KANK1: variants seen among roughly 807,000 people sequenced by gnomAD.
KANK1 encodes KN motif and ankyrin repeat domains 1, also known as KN motif and ankyrin repeat domain-containing protein 1.
Under a neutral mutation model 106.2 loss-of-function variants are expected in KANK1, and 109 were observed. The observed-to-expected ratio is 1.03, with a 90% confidence interval of 0.88 to 1.20. The LOEUF (loss-of-function observed/expected upper bound fraction) is 1.20. Among genes scored for constraint, KANK1 ranks in the 50% most tolerant of loss-of-function variants. KANK1 has a pLI of 0.00. For synonymous variants in KANK1, 873 were observed against 652.2 expected (o/e 1.34, Z -5.16); for missense variants, 2,399 against 1,710.7 (o/e 1.40, Z -7.10).
rs558977149 is a variant in KANK1, at chr9:606,388, C to T, written c.-83-70502C>T. On this transcript the variant is annotated intron_variant, in intron 1 of 11. Transcript: ENST00000382297. Reference sequence around the variant, plus strand: ...CCTGACTAACATGGTGAAACCCCGTCTCTACTAAAAATACAAAATTAGCCG... The same window carrying T: ...CCTGACTAACATGGTGAAACCCCGTTTCTACTAAAAATACAAAATTAGCCG... Among the ~76,000 whole-genome samples, 20 of 141,464 alleles carry T rather than the reference C, an allele frequency of 1.4e-4. 1 individual carries two copies. The highest frequency in any genetic ancestry group is 2.4e-4 in the Non-Finnish European group (16 of 67,834). 92.8% of individuals were successfully genotyped at this position (141,464 alleles called of 152,430 possible).
chr9:583,862 T>G (rs1211124965), intron 1 of KANK1, among the ~76,000 whole-genome samples: 10 of 152,020 alleles, frequency 6.6e-5, no homozygotes, highest in Non-Finnish European at 1.0e-4. Flanking sequence ...GTGCGAAGTG[T>G]TCAACCCCAA....
upstream of KANK1, among the ~76,000 whole-genome samples, chr9:501,412 T>C (rs557148470): frequency 3.2e-4 from 48 of 148,602 alleles, 1 homozygote; most frequent in South Asian, 6.9e-3. Context: ...TCACAAACTT[T>C]ATAAAAAAAA....
At chr9:693,764 A>G (rs1286965536) in intron 2 of KANK1, 2 of 985,174 alleles carry the variant, frequency 2.0e-6, no homozygotes, top group Non-Finnish European at 2.4e-6. Flanking sequence ...GCTGAAAATC[A>G]CAGTTATTTT....
chr9:745,053 T>C, intron 11 of KANK1, 120 bp from the exon 12 acceptor site: 1 of 1,529,878 alleles, frequency 6.5e-7, no homozygotes, highest in Non-Finnish European at 8.8e-7. Context: ...GCCAGAGCTC[T>C]CCTGGCTCGG....
chr9:632,447 A>G (rs1312243291), intron 1 of KANK1, among the ~76,000 whole-genome samples: 1 of 152,172 alleles, frequency 6.6e-6, no homozygotes, highest in African/African-American at 2.4e-5. Context: ...TTAAGAAGAT[A>G]ATTATTGAGA....
chr9:742,193 C>G lies in KANK1; in HGVS notation c.3697-12C>G, dbSNP rs927599071. On this transcript the variant is annotated splice_polypyrimidine_tract_variant and intron_variant, in intron 9 of 11. Transcript: ENST00000382297. ...TACGTACTTCTGAAGTCCTTGTCAT[C>G]TCTTCCCATAGGCGGGACAGACGGC... The G allele has an allele frequency of 1.9e-6, 3 of 1,613,244 alleles. No individual in the cohort carries two copies. Among genetic ancestry groups the G allele is most frequent in the African/African-American group, 2.7e-5 (2 of 74,920 alleles).
chr9:514,162 T>C (rs142056432), intron 1 of KANK1, among the ~76,000 whole-genome samples: 392 of 28,186 alleles, frequency 0.014, 1 homozygote, highest in African/African-American at 0.036. Flanking sequence ...CTCCCTCCCT[T>C]CCTCTCTCCC....
intron 10 of KANK1, 52 bp from the exon 11 acceptor site, chr9:744,439 T>C: frequency 6.3e-7 from 1 of 1,579,636 alleles, no homozygotes; most frequent in South Asian, 1.1e-5. Flanking sequence ...CTTTCGGTTG[T>C]CTGGAGGTTT....
At chr9:603,413 A>C (rs1180131987) in intron 1 of KANK1, among the ~76,000 whole-genome samples, 1 of 151,838 alleles carries the variant, frequency 6.6e-6, no homozygotes, top group Non-Finnish European at 1.5e-5. Context: ...ACTCAGCCAG[A>C]AGAATTCACT....
chr9:741,275 C>G (rs12000576), intron 9 of KANK1, among the ~76,000 whole-genome samples: 13,654 of 152,010 alleles, frequency 0.09, 1,024 homozygotes, highest in African/African-American at 0.2. Flanking sequence ...CTGTGTTGTA[C>G]TGTCTTCATA....
intron 1 of KANK1, among the ~76,000 whole-genome samples, chr9:506,965 A>G (rs1312044528): frequency 1.3e-5 from 2 of 152,124 alleles, no homozygotes; most frequent in African/African-American, 4.8e-5. Context: ...TTTTTGTTGG[A>G]TAATGTGTGC....
intron 1 of KANK1, among the ~76,000 whole-genome samples, chr9:647,943 C>T (rs1840050129): frequency 1.3e-5 from 2 of 150,038 alleles, no homozygotes; most frequent in Non-Finnish European, 2.9e-5. Flanking sequence ...CTCTCATGTG[C>T]ACCTCACACA....
intron 1 of KANK1, among the ~76,000 whole-genome samples, chr9:605,717 G>A (rs894336296): frequency 7.9e-5 from 12 of 151,790 alleles, no homozygotes; most frequent in Admixed American, 7.2e-4. Context: ...ATCAGGCTGG[G>A]GATGTTGAGG....
In KANK1 at chr9:729,495, G is replaced by A. The variant is rs567119707; in HGVS notation, c.2699-556G>A. ...CATGCTGCCAGGAAACAAGAGACCC[G>A]CATCTCTATACAGCGAGTCCTGGCA... On this transcript the variant is annotated intron_variant, in intron 3 of 11. Coordinates refer to ENST00000382297, the MANE Select transcript of KANK1 (RefSeq NM_015158.5). 5.3e-5 allele frequency among the ~76,000 whole-genome samples: 8 copies of A among 152,306 alleles called. No individual in the cohort carries two copies. The South Asian group carries it at 1.5e-3, about 28-fold the overall frequency.
chr9:520,524 A>G (rs562680622), intron 1 of KANK1, among the ~76,000 whole-genome samples: 2 of 151,682 alleles, frequency 1.3e-5, no homozygotes. Flanking sequence ...TCACGTGACA[A>G]TGGGGGATAT....
At chr9:679,886 A>G (rs1444078849) in intron 2 of KANK1, among the ~76,000 whole-genome samples, 1 of 152,076 alleles carries the variant, frequency 6.6e-6, no homozygotes, top group African/African-American at 2.4e-5. Flanking sequence ...ACCTTTTCCC[A>G]CTTTGTATTA....
rs56375582 is a variant in KANK1, at chr9:523,818, C to CTT, written c.-84+19073_-84+19074dup. Among the ~76,000 whole-genome samples the CTT allele has an allele frequency of 1.3e-3, 195 of 148,958 alleles. 3 individuals are homozygous for CTT. The highest frequency in any genetic ancestry group is 4.3e-3 in the African/African-American group (172 of 39,934). On this transcript the variant is annotated intron_variant, in intron 1 of 11. Coordinates refer to ENST00000382297, the MANE Select transcript of KANK1 (RefSeq NM_015158.5). ...TCTCTCTTAATCCGCTTGGCCTCTT[C>CTT]TTTTTTTTTTCCATATCAAAAATTA...
chr9:672,221 C>T (rs1259133275), intron 1 of KANK1, among the ~76,000 whole-genome samples: 1 of 152,158 alleles, frequency 6.6e-6, no homozygotes, highest in Non-Finnish European at 1.5e-5. Context: ...CTAAAACTCC[C>T]TGTGCTTGTT....
chr9:648,759 T>G (rs1302694158), intron 1 of KANK1, among the ~76,000 whole-genome samples: 1 of 152,180 alleles, frequency 6.6e-6, no homozygotes, highest in Admixed American at 6.5e-5. Flanking sequence ...GAAGCTTATC[T>G]AAGACAATGC....
Sources: gnomAD v4.1 joint callset for allele counts (sites outside exome capture counted in the v4.1 genomes callset) on GRCh38, gnomAD v4.1.1 for gene constraint, MANE v1.5 for transcripts, NCBI Gene and HGNC (gene_info 2026-07-23, HGNC 2026-07-21) for gene names.